Variants in ZNF254 observed in about 807,000 individuals in gnomAD.
ZNF254 encodes zinc finger protein 254, also known as CTD-2017D11.1.
Under a neutral mutation model 12.4 loss-of-function variants are expected in ZNF254, and 10 were observed. The observed-to-expected ratio is 0.80, with a 90% CI of 0.50 to 1.36. The LOEUF is 1.36. ZNF254 is among the 40% of genes most tolerant of loss of function. The pLI, the probability that ZNF254 is intolerant of heterozygous loss-of-function variation, is 0.00. For synonymous variants in ZNF254, 305 were observed against 253.4 expected (o/e 1.20, Z -1.93); for missense variants, 996 against 763.9 (o/e 1.30, Z -3.58).
chr19:24,127,046 C>A lies in ZNF254; in HGVS notation c.1046C>A (p.Pro349His). Residue 349 changes from proline (P) to histidine (H), a missense_variant, in exon 4 of 4, where the codon CCC (proline) becomes CAC (histidine). By Grantham distance (77) the Pro-to-His change is moderately conservative. Transcript: ENST00000357002. ...AAGAGGATGCACACTGGAGAGAAAC[C>A]CTACAAATGTGAAGAATGTGGCAAA... ...RHKRMHTGEK[P>H]YKCEECGKAF... The A allele has an allele frequency of 6.2e-7, 1 of 1,613,222 alleles. No individual in the cohort carries two copies. Among genetic ancestry groups the A allele is most frequent in the Non-Finnish European group, 8.5e-7 (1 of 1,179,730 alleles).
intron 1 of ZNF254, among the ~76,000 whole-genome samples, chr19:24,099,671 A>T (rs1972895619): frequency 6.6e-6 from 1 of 152,192 alleles, no homozygotes; most frequent in Non-Finnish European, 1.5e-5. Flanking sequence ...GCATACATGG[A>T]TGGCCTCCCC....
At chr19:24,049,184 T>TTTTATA (rs1439661390) in intron 2 of ZNF254, among the ~76,000 whole-genome samples, 1 of 63,164 alleles carries the variant, frequency 1.6e-5, no homozygotes, top group African/African-American at 7.9e-5. Flanking sequence ...GGCTCTGGTT[T>TTTTATA]TATATATATA....
intron 2 of ZNF254, among the ~76,000 whole-genome samples, chr19:24,060,703 G>A (rs149645356): frequency 2.0e-5 from 3 of 152,214 alleles, no homozygotes; most frequent in East Asian, 3.9e-4. Flanking sequence ...GGCTTATTGT[G>A]ACATCTCTAG....
intron 3 of ZNF254, among the ~76,000 whole-genome samples, chr19:24,111,312 A>G (rs1464300471): frequency 6.6e-6 from 1 of 152,152 alleles, no homozygotes; most frequent in East Asian, 1.9e-4. Flanking sequence ...ATAGTATTCC[A>G]TGGTGTATAT....
chr19:24,118,027 C>T (rs377331233), intron 3 of ZNF254, among the ~76,000 whole-genome samples: 3 of 151,098 alleles, frequency 2.0e-5, no homozygotes, highest in East Asian at 3.9e-4. Flanking sequence ...TTTCCACCAA[C>T]GATGCACATG....
chr19:24,048,401 C>A, intron 2 of ZNF254, among the ~76,000 whole-genome samples: 1 of 152,234 alleles, frequency 6.6e-6, no homozygotes, highest in Non-Finnish European at 1.5e-5. Context: ...CTCCTTCTGG[C>A]TGCCAGGTCT....
intron 2 of ZNF254, among the ~76,000 whole-genome samples, chr19:24,061,500 A>C (rs1038736278): frequency 6.6e-6 from 1 of 152,218 alleles, no homozygotes; most frequent in African/African-American, 2.4e-5. Context: ...CCCAGCCACC[A>C]GGTGATATGT....
chr19:24,046,973 T>C (rs1221411643), intron 2 of ZNF254, among the ~76,000 whole-genome samples: 1 of 151,838 alleles, frequency 6.6e-6, no homozygotes, highest in Admixed American at 6.6e-5. Flanking sequence ...CAAGTGATTC[T>C]CATCCTTCAG....
chr19:24,053,857 T>C (rs62114772), intron 2 of ZNF254, among the ~76,000 whole-genome samples: 24,205 of 152,184 alleles, frequency 0.16, 2,096 homozygotes, highest in Middle Eastern at 0.23. Context: ...GGACCCAGCA[T>C]CTAGGTGATG....
intron 3 of ZNF254, among the ~76,000 whole-genome samples, chr19:24,125,421 T>A (rs902482324): frequency 1.3e-5 from 2 of 152,018 alleles, no homozygotes; most frequent in Admixed American, 1.3e-4. Flanking sequence ...ATCTTTTTTA[T>A]GATTTCTTTC....
chr19:24,100,735 G>GA (rs1972971361), intron 1 of ZNF254, among the ~76,000 whole-genome samples: 1 of 148,832 alleles, frequency 6.7e-6, no homozygotes, highest in African/African-American at 2.5e-5. Flanking sequence ...TAATCAAAGT[G>GA]CAAATTCCAG....
At position 24,126,663 on chromosome 19, in the gene ZNF254, G is replaced by T. The variant is rs1313721538; in HGVS notation, c.663G>T (p.Trp221Cys). ...AAGAATGTGGAAAAACCTTTAATTG[G>T]TCCTCAACCCTTACTAATCATAGGA... ...KCKECGKTFN[W>C]SSTLTNHRKI... Residue 221 changes from tryptophan (W) to cysteine (C), a missense_variant, in exon 4 of 4, where the codon TGG becomes TGT. Coordinates refer to ENST00000357002, the MANE Select transcript of ZNF254 (RefSeq NM_203282.4). The T allele has an allele frequency of 3.1e-6, 5 of 1,612,766 alleles. No individual in the cohort carries two copies. The highest frequency in any genetic ancestry group is 1.1e-5 in the South Asian group (1 of 90,754).
rs1442932617 is a variant in ZNF254 at position 24,127,602 on chromosome 19, T to G, written c.1602T>G (p.Thr534=). 2 of 1,608,004 alleles carry G rather than the reference T, an allele frequency of 1.2e-6. No homozygotes were observed. Among genetic ancestry groups the G allele is most frequent in the South Asian group, 2.2e-5 (2 of 90,596 alleles). The change falls in exon 4 of 4, where the codon ACT becomes ACG. Residue 534 remains threonine (T), a synonymous_variant. Coordinates refer to ENST00000357002, the MANE Select transcript of ZNF254 (RefSeq NM_203282.4). The part of the protein sequence containing the change: ...GKAFNWSSTL[T]KHKIIHTEEK... ...CCTTTAACTGGTCCTCAACTCTTAC[T>G]AAACATAAGATAATTCATACTGAAG...
At chr19:24,098,179 G>T (rs1477432203) in intron 1 of ZNF254, among the ~76,000 whole-genome samples, 2 of 152,080 alleles carry the variant, frequency 1.3e-5, no homozygotes, top group Non-Finnish European at 2.9e-5. Context: ...AATATCCAAA[G>T]AAAATTTACT....
intron 2 of ZNF254, among the ~76,000 whole-genome samples, chr19:24,055,189 C>A (rs796128193): frequency 1.1e-5 from 1 of 89,130 alleles, no homozygotes; most frequent in Non-Finnish European, 2.1e-5. Context: ...GGTGATAGTG[C>A]GAGACTCTGT....
At position 24,128,172 on chromosome 19, in the gene ZNF254, T is replaced by C. The variant is rs1163622886; in HGVS notation, c.*192T>C. 11 of 568,324 alleles carry C rather than the reference T, an allele frequency of 1.9e-5. No individual in the cohort carries two copies. Among genetic ancestry groups the C allele is most frequent in the Non-Finnish European group, 2.8e-5 (10 of 360,186 alleles). 35.2% of individuals were successfully genotyped at this position (568,324 alleles called of 1,614,324 possible). A position where few individuals can be genotyped will look rare whatever the true frequency, so the allele number is the denominator to read the frequency against. ...AAAGCCTTTAAATGATTGTCACACT[T>C]GATTGTAGGTAAGATAATTCATACT... is the stretch of plus-strand genomic sequence containing the variant. On this transcript the variant is annotated 3_prime_UTR_variant, in exon 4 of 4. Coordinates refer to ENST00000357002, the MANE Select transcript of ZNF254 (RefSeq NM_203282.4).
At position 24,127,966 on chromosome 19, in the gene ZNF254, A is replaced by G; in HGVS notation, c.1966A>G (p.Ile656Val). Residue 656 changes from isoleucine to valine, a missense_variant, in exon 4 of 4, where the codon ATC becomes GTC. By Grantham distance (29) the Ile-to-Val change is conservative (BLOSUM62 3). Transcript: ENST00000357002. ...TTDKITHWRE[I>V]LQV is the part of the protein sequence containing the mutation. ...AGATAAGATAACTCATTGGAGAGAA[A>G]TCTTACAAGTATGAATAATGTGCCA... 1.3e-6 allele frequency: 2 copies of G among 1,556,502 alleles called. No homozygotes were observed. The highest frequency in any genetic ancestry group is 1.3e-5 in the South Asian group (1 of 79,998).
At chr19:24,105,658 A>ATTAT (rs1973295028) in intron 1 of ZNF254, 4 of 296,136 alleles carry the variant, frequency 1.4e-5, no homozygotes, top group Non-Finnish European at 1.9e-5. Context: ...ATGTAAACGT[A>ATTAT]GCACTCAAAA....
chr19:24,081,397 C>A (rs1261767069), intron 2 of ZNF254, among the ~76,000 whole-genome samples: 2 of 152,072 alleles, frequency 1.3e-5, no homozygotes, highest in African/African-American at 4.8e-5. Context: ...CAAAAGACAC[C>A]AGTGGATGAC....
Sources: gnomAD v4.1 joint callset for allele counts (sites outside exome capture counted in the v4.1 genomes callset) on GRCh38, gnomAD v4.1.1 for gene constraint, MANE v1.5 for transcripts, NCBI Gene and HGNC (gene_info 2026-07-23, HGNC 2026-07-21) for gene names.